Variants in NSDHL observed in about 807,000 individuals in gnomAD.
The protein encoded by NSDHL is sterol-4-alpha-carboxylate 3-dehydrogenase, decarboxylating.
In NSDHL, 1 loss-of-function variant was observed where a neutral mutation model predicts 23.0. The observed-to-expected ratio is 0.04, with a 90% CI of 0.02 to 0.21. The LOEUF (loss-of-function observed/expected upper bound fraction) is 0.21, where lower values mean the gene tolerates loss of function less well. NSDHL is among the 10% of genes least tolerant of loss of function. NSDHL has a pLI of 1.00. For synonymous variants in NSDHL, 128 were observed against 121.1 expected (o/e 1.06, Z -0.37); for missense variants, 237 against 300.9 (o/e 0.79, Z 1.57).
At chrX:152,846,634 A>C (rs1313155125) in intron 2 of NSDHL, among the ~76,000 whole-genome samples, 1 of 112,868 alleles carries the variant, frequency 8.9e-6, no homozygotes, top group Non-Finnish European at 1.9e-5. Context: ...TTCTTTGCTT[A>C]TGACTGTGGT....
chrX:152,863,405 A>G (rs1933558123), intron 5 of NSDHL, among the ~76,000 whole-genome samples: 1 of 111,537 alleles, frequency 9.0e-6, no homozygotes, highest in African/African-American at 3.3e-5. Context: ...CCTCAATGCC[A>G]TGGGAGCTTC....
At chrX:152,842,877 A>G (rs782051538) in intron 1 of NSDHL, among the ~76,000 whole-genome samples, 1 of 111,924 alleles carries the variant, frequency 8.9e-6, no homozygotes, top group African/African-American at 3.2e-5. Flanking sequence ...ATTCAGTCAG[A>G]GCTATTCTCA....
At chrX:152,865,101 G>A (rs976418640) in intron 5 of NSDHL, among the ~76,000 whole-genome samples, 4 of 112,532 alleles carry the variant, frequency 3.6e-5, no homozygotes, top group Non-Finnish European at 7.5e-5. Flanking sequence ...CTTTTGAGGC[G>A]AAACCCATTT....
At chrX:152,860,276 C>T (rs1244951181) in intron 4 of NSDHL, among the ~76,000 whole-genome samples, 9 of 112,100 alleles carry the variant, frequency 8.0e-5, no homozygotes, top group Admixed American at 3.8e-4. Flanking sequence ...AGGGGCTAAA[C>T]GATGTCTCTT....
intron 3 of NSDHL, among the ~76,000 whole-genome samples, chrX:152,851,436 G>T (rs1343391997): frequency 9.0e-6 from 1 of 111,463 alleles, no homozygotes; most frequent in African/African-American, 3.3e-5. Flanking sequence ...TGCCAATCCT[G>T]TGCCCGTTGT....
At chrX:152,837,086 A>G (rs1933109585) in intron 1 of NSDHL, among the ~76,000 whole-genome samples, 1 of 111,981 alleles carries the variant, frequency 8.9e-6, no homozygotes, top group Admixed American at 9.5e-5. Flanking sequence ...GAGTTCACTC[A>G]TGATTTGGCT....
At chrX:152,851,597 C>T (rs782384735) in intron 3 of NSDHL, among the ~76,000 whole-genome samples, 42 of 111,108 alleles carry the variant, frequency 3.8e-4, no homozygotes, top group Admixed American at 8.6e-4. Flanking sequence ...CCCACACCTC[C>T]AGGCCTGGAG....
chrX:152,840,490 T>C (rs782437281), intron 1 of NSDHL, among the ~76,000 whole-genome samples: 2 of 111,119 alleles, frequency 1.8e-5, no homozygotes, highest in Non-Finnish European at 3.8e-5. Context: ...GGGGTTTTGG[T>C]GTGATGTCCT....
Position 152,846,451 on chromosome X carries a change from C to A in NSDHL, c.108+19C>A. 1 of 1,021,272 alleles carries A rather than the reference C, an allele frequency of 9.8e-7. No homozygotes were observed. The highest frequency in any genetic ancestry group is 1.4e-6 in the Non-Finnish European group (1 of 721,551). 84.2% of individuals were successfully genotyped at this position (1,021,272 alleles called of 1,213,427 possible). A position where few individuals can be genotyped will look rare whatever the true frequency, so the allele number is the denominator to read the frequency against. ...GAATCAGGTAAGGAGAAAGTTGACA[C>A]GTACATACCAACAGGCTGATACTAT... On this transcript the variant is annotated intron_variant, in intron 2 of 7. Transcript: ENST00000370274.
In NSDHL at chrX:152,868,893, C is replaced by T; in HGVS notation, c.899C>T (p.Ala300Val). ...APKYHIPYWV[A>V]YYLALLLSLL... The stretch of plus-strand genomic sequence containing the variant: ...AAGTACCACATCCCCTACTGGGTGG[C>T]CTACTACCTGGCCCTCCTGCTATCC... Residue 300 changes from alanine to valine, a missense_variant, in exon 8 of 8, where the codon GCC becomes GTC. Physicochemically the swap from Ala to Val is moderately conservative, Grantham distance 64. Coordinates refer to ENST00000370274, the MANE Select transcript of NSDHL (RefSeq NM_015922.3). The T allele has an allele frequency of 8.3e-7, 1 of 1,211,795 alleles. No homozygotes were observed. Among genetic ancestry groups the T allele is most frequent in the Non-Finnish European group, 1.1e-6 (1 of 895,200 alleles).
chrX:152,851,711 C>G (rs943071098), intron 3 of NSDHL, among the ~76,000 whole-genome samples: 2 of 110,610 alleles, frequency 1.8e-5, no homozygotes, highest in African/African-American at 6.6e-5. Flanking sequence ...TCAGACTGTA[C>G]AAACCCCGAC....
chrX:152,866,918 T>C (rs1297958645), intron 6 of NSDHL, among the ~76,000 whole-genome samples: 3 of 111,550 alleles, frequency 2.7e-5, no homozygotes, highest in Admixed American at 1.9e-4. Flanking sequence ...TGTTTGGAAA[T>C]TGAAGAAACC....
chrX:152,836,082 T>G (rs1394530483), intron 1 of NSDHL, among the ~76,000 whole-genome samples: 1 of 112,770 alleles, frequency 8.9e-6, no homozygotes, highest in Non-Finnish European at 1.9e-5. Context: ...GTGTGTCTGT[T>G]GGCTGCATAA....
chrX:152,862,332 C>G (rs1556847597), intron 4 of NSDHL, among the ~76,000 whole-genome samples: 2 of 112,004 alleles, frequency 1.8e-5, no homozygotes, highest in South Asian at 3.7e-4. Context: ...TGTGTTATCC[C>G]TTGTTTTGAA....
At chrX:152,839,510 C>T (rs6627693) in intron 1 of NSDHL, among the ~76,000 whole-genome samples, 11,730 of 111,541 alleles carry the variant, frequency 0.11, 638 homozygotes, top group African/African-American at 0.21. Context: ...ACAAAATCTC[C>T]CAGCATTTGT....
At chrX:152,859,508 G>T (rs1337433544) in intron 4 of NSDHL, among the ~76,000 whole-genome samples, 1 of 112,107 alleles carries the variant, frequency 8.9e-6, no homozygotes, top group African/African-American at 3.2e-5. Context: ...GCTTTTCACC[G>T]AGCATGATGT....
chrX:152,833,314 A>C (rs1421052183), intron 1 of NSDHL, among the ~76,000 whole-genome samples: 1 of 88,105 alleles, frequency 1.1e-5, no homozygotes, highest in Admixed American at 1.2e-4. Context: ...TCAAGAGTCA[A>C]ATGTAGTTCT....
rs192739250 is a variant in NSDHL, at chrX:152,838,632, G to A, written c.-44+7515G>A. Among the ~76,000 whole-genome samples the A allele has an allele frequency of 1.2e-3, 137 of 112,216 alleles. No individual in the cohort carries two copies. The Admixed American group carries it at 0.013, about 10-fold the overall frequency. On this transcript the variant is annotated intron_variant, in intron 1 of 7. Coordinates refer to ENST00000370274, the MANE Select transcript of NSDHL (RefSeq NM_015922.3). ...TTTTTAGTGAGTTTCTTAATCCTGA[G>A]TTCTAATTTGATTGCCCTGTGTCTG...
chrX:152,831,203 G>A, intron 1 of NSDHL, 86 bp downstream of exon 1: 1 of 298,156 alleles, frequency 3.4e-6, no homozygotes, highest in East Asian at 4.8e-5. Context: ...GGGTCGCCCG[G>A]GTCGGGTGCT....
Sources: allele counts gnomAD v4.1 joint callset (sites outside exome capture counted in the v4.1 genomes callset), GRCh38; gene constraint gnomAD v4.1.1; transcripts MANE v1.5; gene names NCBI Gene and HGNC (gene_info 2026-07-23, HGNC 2026-07-21).